Variants in CD163 observed in about 807,000 individuals in gnomAD.
The protein encoded by CD163 is scavenger receptor cysteine-rich type 1 protein M130.
Under a neutral mutation model 129.2 loss-of-function variants are expected in CD163, and 64 were observed. The ratio of observed to expected loss-of-function variants is 0.50; its 90% CI spans 0.41 to 0.61. The LOEUF (loss-of-function observed/expected upper bound fraction) is 0.61. Ranked by LOEUF, CD163 falls within the 20% of genes least tolerant of loss-of-function variation. CD163 has a pLI of 0.00. For synonymous variants in CD163, 446 were observed against 478.5 expected (o/e 0.93, Z 0.89); for missense variants, 1,061 against 1,377.9 (o/e 0.77, Z 3.64).
At chr12:7,481,833 C>T (rs1474983876) in intron 14 of CD163, among the ~76,000 whole-genome samples, 1 of 151,934 alleles carries the variant, frequency 6.6e-6, no homozygotes, top group Non-Finnish European at 1.5e-5. Context: ...CTTTTCTCCC[C>T]CCGCCCCTCA....
chr12:7,471,057 C>T lies in CD163; in HGVS notation c.*372G>A, dbSNP rs1404176363. On this transcript the variant is annotated 3_prime_UTR_variant, in exon 17 of 17. Transcript: ENST00000432237. ...GAAAAAATATACAGTACTGTATATGCAAATTGAAACACTGTCAAATAAAAC... is the reference window on the plus strand; with the variant it reads ...GAAAAAATATACAGTACTGTATATGTAAATTGAAACACTGTCAAATAAAAC... 6.6e-6 allele frequency: 1 copy of T among 151,886 alleles called. No individual in the cohort carries two copies. The highest frequency in any genetic ancestry group is 2.4e-5 in the African/African-American group (1 of 41,356). 9.4% of individuals were successfully genotyped at this position (151,886 alleles called of 1,614,324 possible). A position where few individuals can be genotyped will look rare whatever the true frequency, so the allele number is the denominator to read the frequency against.
chr12:7,501,434 C>G lies in CD163; in HGVS notation c.162G>C (p.Val54=), dbSNP rs368322993. 3.1e-6 allele frequency: 5 copies of G among 1,613,806 alleles called. No individual in the cohort carries two copies. The African/African-American group carries it at 5.3e-5, about 17-fold the overall frequency. ...LGGTDKELRL[V]DGENKCSGRV... ...TCCCGCTACACTTGTTTTCACCATC[C>G]ACTAGCCTCAGCTCCTTGTCTGTTC... The change falls in exon 3 of 17, where the codon GTG becomes GTC. Residue 54 remains valine, a synonymous_variant. Transcript: ENST00000432237.
intron 3 of CD163, among the ~76,000 whole-genome samples, chr12:7,500,262 A>G (rs1949461931): frequency 6.6e-6 from 1 of 151,898 alleles, no homozygotes. Flanking sequence ...CTCTACTAAA[A>G]ATACAAAAAT....
chr12:7,503,592 A>G lies in CD163; in HGVS notation c.46+53T>C, dbSNP rs779508711. 387 of 1,196,732 alleles carry G rather than the reference A, an allele frequency of 3.2e-4. 3 individuals carry two copies. The South Asian group carries it at 4.7e-3, about 15-fold the overall frequency. The allele number at this position is 1,196,732 out of a possible 1,614,324, so 74.1% of individuals were successfully genotyped here. ...TAAATCACATCCATTGACTGTCATAATAATTACATACCCCATTAAAGGGGA... is the reference window on the plus strand; with the variant it reads ...TAAATCACATCCATTGACTGTCATAGTAATTACATACCCCATTAAAGGGGA... On this transcript the variant is annotated intron_variant, in intron 1 of 16. Coordinates refer to ENST00000432237, the MANE Select transcript of CD163 (RefSeq NM_203416.4).
chr12:7,476,815 G>A (rs1949095193), intron 16 of CD163, among the ~76,000 whole-genome samples: 1 of 152,160 alleles, frequency 6.6e-6, no homozygotes, highest in Non-Finnish European at 1.5e-5. Context: ...TACAGAATGG[G>A]AGAAAATTTT....
chr12:7,483,349 C>T lies in CD163; in HGVS notation c.3088+18G>A, dbSNP rs1390389271. On this transcript the variant is annotated intron_variant, in intron 12 of 16. Transcript: ENST00000432237. ...GCTGCCAGAGATTCCAAGCTCAATC[C>T]AGGCTTCTGGCACTTACCTGTGCAA... 4 of 1,598,330 alleles carry T rather than the reference C, an allele frequency of 2.5e-6. No individual in the cohort carries two copies. The highest frequency in any genetic ancestry group is 1.1e-5 in the South Asian group (1 of 88,518).
chr12:7,480,778 A>G (rs1565834156), intron 15 of CD163: 1 of 658,134 alleles, frequency 1.5e-6, no homozygotes, highest in Non-Finnish European at 1.9e-6. Flanking sequence ...ATCTATATAC[A>G]TCCCATAAAA....
At position 7,488,093 on chromosome 12, in the gene CD163, A is replaced by G. The variant is rs199516138; in HGVS notation, c.1421-6T>C. On this transcript the variant is annotated splice_region_variant and splice_polypyrimidine_tract_variant and intron_variant, in intron 6 of 16. Coordinates refer to ENST00000432237, the MANE Select transcript of CD163 (RefSeq NM_203416.4). Reference sequence around the variant, plus strand: ...CAGTCTGGGTTCCCTGTGGGCTGAAAAATAAATATTATTTCAGTGAGAGGT... The same window carrying G: ...CAGTCTGGGTTCCCTGTGGGCTGAAGAATAAATATTATTTCAGTGAGAGGT... The G allele has an allele frequency of 1.1e-5, 17 of 1,596,652 alleles. No homozygotes were observed. In the Admixed American group the frequency reaches 1.4e-4, roughly 13 times the overall value.
At position 7,496,749 on chromosome 12, in the gene CD163, A is replaced by G; in HGVS notation, c.1099+64T>C. The G allele has an allele frequency of 2.1e-6, 3 of 1,430,718 alleles. No individual in the cohort carries two copies. Among genetic ancestry groups the G allele is most frequent in the Non-Finnish European group, 2.9e-6 (3 of 1,016,994 alleles). The allele number at this position is 1,430,718 out of a possible 1,614,324, so 88.6% of individuals were successfully genotyped here. A position where few individuals can be genotyped will look rare whatever the true frequency, so the allele number is the denominator to read the frequency against. On this transcript the variant is annotated intron_variant, in intron 5 of 16. Coordinates refer to ENST00000432237, the MANE Select transcript of CD163 (RefSeq NM_203416.4). The surrounding 1 kb of genome is among the most constrained non-coding windows in gnomAD (Gnocchi z 4.8). ...GCACGTTCCTACTCTTAAGGAGCACAGGACTTTCCGTTTCTGCTTTTCTTT... is the reference window on the plus strand; with the variant it reads ...GCACGTTCCTACTCTTAAGGAGCACGGGACTTTCCGTTTCTGCTTTTCTTT...
intron 4 of CD163, among the ~76,000 whole-genome samples, chr12:7,498,146 C>CACAGAG (rs537347284): frequency 3.4e-5 from 5 of 148,950 alleles, no homozygotes; most frequent in African/African-American, 1.2e-4. Flanking sequence ...CACACACACA[C>CACAGAG]AGAGAGAGAG....
At chr12:7,486,003 T>C (rs1949243066) in intron 10 of CD163, among the ~76,000 whole-genome samples, 4 of 152,214 alleles carry the variant, frequency 2.6e-5, no homozygotes, top group Admixed American at 2.6e-4. Flanking sequence ...AAACTCACCA[T>C]GTATACAAAG....
Position 7,486,508 on chromosome 12 carries a change from T to C in CD163, c.2449A>G (p.Ile817Val). The C allele has an allele frequency of 6.2e-7, 1 of 1,613,608 alleles. No homozygotes were observed. Among genetic ancestry groups the C allele is most frequent in the Non-Finnish European group, 8.5e-7 (1 of 1,179,604 alleles). The change falls in exon 10 of 17, where the codon ATC becomes GTC. Residue 817 changes from isoleucine to valine, a missense_variant. Coordinates refer to ENST00000432237, the MANE Select transcript of CD163 (RefSeq NM_203416.4). ...NCRHKEDAGV[I>V]CSEFMSLRLT... ...CATATGCATAATTTACCTGAGCAGA[T>C]AACTCCCGCATCCTCCTTGTGCCTG...
At chr12:7,495,469 G>A in intron 5 of CD163, 68 bp from the exon 6 acceptor site, 1 of 1,405,656 alleles carries the variant, frequency 7.1e-7, no homozygotes. Flanking sequence ...ATTTTTTTTT[G>A]TCTTTTTTCT....
At chr12:7,483,276 G>T (rs1233598307) in intron 12 of CD163, 91 bp downstream of exon 12, 26 of 1,218,354 alleles carry the variant, frequency 2.1e-5, no homozygotes, top group Non-Finnish European at 3.0e-5. Flanking sequence ...TCCCTGTGCT[G>T]ATAAATCCGG....
At chr12:7,475,437 T>C (rs919477243) in intron 16 of CD163, among the ~76,000 whole-genome samples, 4 of 152,148 alleles carry the variant, frequency 2.6e-5, no homozygotes, top group African/African-American at 9.7e-5. Context: ...GTTCAACATA[T>C]GTAAATCAAT....
intron 4 of CD163, among the ~76,000 whole-genome samples, chr12:7,497,802 G>A (rs1055679046): frequency 6.6e-6 from 1 of 152,138 alleles, no homozygotes; most frequent in Non-Finnish European, 1.5e-5. Context: ...CTAACTGGGG[G>A]CCTAGAGAAA....
chr12:7,483,775 A>AG, intron 11 of CD163, 100 bp from the exon 12 acceptor site: 1 of 503,130 alleles, frequency 2.0e-6, no homozygotes, highest in Non-Finnish European at 3.1e-6. Flanking sequence ...AAAAAAAAAA[A>AG]CTATTTAAAA....
intron 6 of CD163, among the ~76,000 whole-genome samples, chr12:7,491,544 CT>C (rs1949327351): frequency 6.6e-6 from 1 of 152,040 alleles, no homozygotes; most frequent in African/African-American, 2.4e-5. Context: ...GTAACTGAAT[CT>C]GTTTTTCTTT....
At position 7,487,323 on chromosome 12, in the gene CD163, T is replaced by G; in HGVS notation, c.2050+36A>C. Reference sequence around the variant, plus strand: ...TCTTCATCCCTATGTACACCTTCTCTTAAGACCCATCACTGGCTGCCCGTC... The same window carrying G: ...TCTTCATCCCTATGTACACCTTCTCGTAAGACCCATCACTGGCTGCCCGTC... On this transcript the variant is annotated intron_variant, in intron 8 of 16. Coordinates refer to ENST00000432237, the MANE Select transcript of CD163 (RefSeq NM_203416.4). This position sits in a 1 kb window ranked among gnomAD's most constrained non-coding sequence, Gnocchi z 5.1. 1 of 1,538,490 alleles carries G rather than the reference T, an allele frequency of 6.5e-7. No individual in the cohort carries two copies. The highest frequency in any genetic ancestry group is 8.7e-7 in the Non-Finnish European group (1 of 1,146,020).
Sources: gnomAD v4.1 joint callset for allele counts (sites outside exome capture counted in the v4.1 genomes callset) on GRCh38, gnomAD v4.1.1 for gene constraint, Gnocchi (gnomAD v3.1) non-coding constraint, MANE v1.5 for transcripts, NCBI Gene and HGNC (gene_info 2026-07-23, HGNC 2026-07-21) for gene names.